The following SERGEF variants were observed in gnomAD, a reference collection of about 807,000 sequenced individuals.
SERGEF encodes secretion regulating guanine nucleotide exchange factor, also known as secretion-regulating guanine nucleotide exchange factor.
Under a neutral mutation model 50.0 loss-of-function variants are expected in SERGEF, and 51 were observed. That is an observed-to-expected ratio of 1.02 (90% CI 0.81 to 1.29). SERGEF has a LOEUF of 1.29. Among genes scored for constraint, SERGEF ranks in the 50% most tolerant of loss-of-function variants. The probability of loss-of-function intolerance (pLI) is 0.00; values close to 1 mark genes in which losing one functional copy is unlikely to be tolerated. For missense variants in SERGEF, 521 were observed against 557.0 expected (o/e 0.94, Z 0.65); for synonymous variants, 205 against 212.4 (o/e 0.97, Z 0.30).
intron 10 of SERGEF, among the ~76,000 whole-genome samples, chr11:17,830,197 T>A (rs1565179200): frequency 6.6e-6 from 1 of 152,210 alleles, no homozygotes; most frequent in Non-Finnish European, 1.5e-5. Context: ...AAGGACCACA[T>A]CCTATTTATA....
At chr11:17,849,063 C>A (rs999572555) in intron 10 of SERGEF, among the ~76,000 whole-genome samples, 1 of 152,302 alleles carries the variant, frequency 6.6e-6, no homozygotes, top group East Asian at 1.9e-4. Flanking sequence ...TGCTTCCAAT[C>A]AATTCTAAGT....
chr11:17,877,374 T>C (rs1390720594), intron 10 of SERGEF, among the ~76,000 whole-genome samples: 2 of 152,200 alleles, frequency 1.3e-5, no homozygotes, highest in Admixed American at 1.3e-4. Context: ...ACATATAATA[T>C]CAGGTAATAA....
At chr11:18,008,193 T>C in intron 1 of SERGEF, 117 bp from the exon 2 acceptor site, 1 of 1,013,828 alleles carries the variant, frequency 9.9e-7, no homozygotes, top group Admixed American at 2.8e-5. Context: ...ACAGATGAGA[T>C]TTATTAGGCT....
intron 9 of SERGEF, among the ~76,000 whole-genome samples, chr11:17,893,039 A>G (rs1429063717): frequency 6.6e-6 from 1 of 152,176 alleles, no homozygotes; most frequent in Non-Finnish European, 1.5e-5. Flanking sequence ...GTCAAGTAGT[A>G]TATGTTCAAC....
intron 9 of SERGEF, among the ~76,000 whole-genome samples, chr11:17,951,797 A>C (rs1382029074): frequency 6.6e-6 from 1 of 152,040 alleles, no homozygotes; most frequent in Non-Finnish European, 1.5e-5. Flanking sequence ...TTCTTTCTCA[A>C]CTTCAGTTTC....
intron 9 of SERGEF, among the ~76,000 whole-genome samples, chr11:17,889,297 G>A (rs1851489119): frequency 1.3e-5 from 2 of 152,290 alleles, no homozygotes; most frequent in African/African-American, 4.8e-5. Context: ...AAGGAGGCAA[G>A]CACCACCTTA....
chr11:17,908,667 G>A (rs1489387107), intron 9 of SERGEF, among the ~76,000 whole-genome samples: 1 of 152,096 alleles, frequency 6.6e-6, no homozygotes, highest in Non-Finnish European at 1.5e-5. Context: ...AACAGTTGAT[G>A]AATGAGTGAG....
At chr11:18,010,522 T>C (rs988148408) in intron 1 of SERGEF, among the ~76,000 whole-genome samples, 4 of 152,180 alleles carry the variant, frequency 2.6e-5, no homozygotes, top group Admixed American at 6.5e-5. Context: ...ACTGTGTCTC[T>C]TAGAAAAAAT....
chr11:17,917,095 T>C (rs1287945874), intron 9 of SERGEF, among the ~76,000 whole-genome samples: 1 of 152,236 alleles, frequency 6.6e-6, no homozygotes, highest in Non-Finnish European at 1.5e-5. Flanking sequence ...GAAGTCATTA[T>C]ACAAAAAAGA....
At chr11:17,995,347 G>A (rs1359811162) in intron 6 of SERGEF, among the ~76,000 whole-genome samples, 1 of 152,216 alleles carries the variant, frequency 6.6e-6, no homozygotes, top group Non-Finnish European at 1.5e-5. Context: ...CCTCTTTGGG[G>A]TGTGCCTGCC....
intron 10 of SERGEF, among the ~76,000 whole-genome samples, chr11:17,817,542 C>T (rs907803262): frequency 5.9e-5 from 9 of 152,130 alleles, no homozygotes; most frequent in African/African-American, 2.2e-4. Context: ...TTAATATTCA[C>T]CACAACTCTT....
intron 9 of SERGEF, among the ~76,000 whole-genome samples, chr11:17,941,552 C>T (rs950865706): frequency 5.9e-5 from 9 of 152,292 alleles, no homozygotes; most frequent in African/African-American, 1.4e-4. Flanking sequence ...ACTTGGGTTG[C>T]TTCCACTTTC....
intron 6 of SERGEF, among the ~76,000 whole-genome samples, chr11:17,993,882 G>A (rs1397412193): frequency 1.3e-5 from 2 of 152,080 alleles, no homozygotes; most frequent in Non-Finnish European, 2.9e-5. Flanking sequence ...AAGACTTTGA[G>A]GACTGGAAGC....
chr11:17,946,406 C>A (rs946727544), intron 9 of SERGEF, among the ~76,000 whole-genome samples: 2 of 152,180 alleles, frequency 1.3e-5, no homozygotes, highest in Non-Finnish European at 2.9e-5. Flanking sequence ...GAGAATCTGG[C>A]ATCTACTGGG....
At chr11:17,937,103 G>A (rs1852465119) in intron 9 of SERGEF, among the ~76,000 whole-genome samples, 1 of 151,720 alleles carries the variant, frequency 6.6e-6, no homozygotes, top group South Asian at 2.1e-4. Flanking sequence ...ATGTTAAATA[G>A]TTACTTTATA....
chr11:17,913,804 C>G (rs563501071), intron 9 of SERGEF, among the ~76,000 whole-genome samples: 1 of 152,282 alleles, frequency 6.6e-6, no homozygotes, highest in Admixed American at 6.5e-5. Flanking sequence ...TGTACAGGCT[C>G]TACTGCAGCC....
At chr11:17,915,024 C>T (rs1349745453) in intron 9 of SERGEF, among the ~76,000 whole-genome samples, 7 of 152,214 alleles carry the variant, frequency 4.6e-5, no homozygotes, top group Admixed American at 3.9e-4. Flanking sequence ...TGCAATCTTA[C>T]GTCCCTTTTA....
At chr11:17,907,398 C>T (rs1851868592) in intron 9 of SERGEF, among the ~76,000 whole-genome samples, 1 of 152,184 alleles carries the variant, frequency 6.6e-6, no homozygotes, top group South Asian at 2.1e-4. Flanking sequence ...TTAAATTGGT[C>T]AGCACTACCA....
At chr11:18,005,022 G>A (rs900414277) in intron 3 of SERGEF, among the ~76,000 whole-genome samples, 1 of 152,172 alleles carries the variant, frequency 6.6e-6, no homozygotes, top group Non-Finnish European at 1.5e-5. Context: ...TTCCCTGTGG[G>A]GAAAGCCTAG....
Sources: gnomAD v4.1 joint callset for allele counts (sites outside exome capture counted in the v4.1 genomes callset) on GRCh38, gnomAD v4.1.1 for gene constraint, MANE v1.5 for transcripts, NCBI Gene and HGNC (gene_info 2026-07-23, HGNC 2026-07-21) for gene names.